Variants in SLC28A3 observed in about 807,000 individuals in gnomAD.
The protein encoded by SLC28A3 is solute carrier family 28 member 3, also known as concentrative Na(+)-nucleoside cotransporter 3.
Under a neutral mutation model 84.2 loss-of-function variants are expected in SLC28A3, and 68 were observed. The observed-to-expected ratio is 0.81, with a 90% CI of 0.66 to 0.99. The LOEUF is 0.99. Among genes scored for constraint, SLC28A3 ranks in the 50% least tolerant of loss-of-function variants. SLC28A3 has a pLI of 0.00. For missense variants in SLC28A3, 712 were observed against 841.5 expected (o/e 0.85, Z 1.90); for synonymous variants, 267 against 303.6 (o/e 0.88, Z 1.25).
At chr9:84,333,859 G>A (rs776887672) in intron 1 of SLC28A3, among the ~76,000 whole-genome samples, 1 of 152,190 alleles carries the variant, frequency 6.6e-6, no homozygotes, top group Non-Finnish European at 1.5e-5. Context: ...GTCCCTAGCT[G>A]CAATGTTTGT....
intron 10 of SLC28A3, among the ~76,000 whole-genome samples, chr9:84,292,168 T>G (rs532140744): frequency 2.0e-5 from 3 of 152,320 alleles, no homozygotes; most frequent in Admixed American, 2.0e-4. Context: ...GCTTTCTTGG[T>G]CTCCTCCATT....
At chr9:84,320,560 A>T (rs1393640919) in intron 1 of SLC28A3, among the ~76,000 whole-genome samples, 1 of 151,950 alleles carries the variant, frequency 6.6e-6, no homozygotes, top group Non-Finnish European at 1.5e-5. Context: ...TCAGCCTTTT[A>T]TGCTTAACTC....
intron 1 of SLC28A3, among the ~76,000 whole-genome samples, chr9:84,337,126 A>G (rs1355235345): frequency 6.6e-6 from 1 of 152,148 alleles, no homozygotes; most frequent in East Asian, 1.9e-4. Context: ...ACAAAATATA[A>G]AAAATAATAA....
In SLC28A3 at chr9:84,309,731, G is replaced by A; in HGVS notation, c.157-17C>T. ...TTCTTCATCCTGGAAATCAAACATT[G>A]GAGCAGAGATGGAATAATGAGCATC... On this transcript the variant is annotated splice_polypyrimidine_tract_variant and intron_variant, in intron 2 of 17. Coordinates refer to ENST00000376238, the MANE Select transcript of SLC28A3 (RefSeq NM_001199633.2). 1 of 1,610,116 alleles carries A rather than the reference G, an allele frequency of 6.2e-7. No homozygotes were observed. Among genetic ancestry groups the A allele is most frequent in the Non-Finnish European group, 8.5e-7 (1 of 1,177,198 alleles).
intron 8 of SLC28A3, among the ~76,000 whole-genome samples, chr9:84,296,984 T>C (rs1825437234): frequency 1.3e-5 from 2 of 152,224 alleles, no homozygotes; most frequent in Non-Finnish European, 2.9e-5. Flanking sequence ...AGTATTTGAA[T>C]AGTTCTGACT....
chr9:84,306,994 CAAAAAAA>C (rs150442323), intron 3 of SLC28A3, among the ~76,000 whole-genome samples: 1 of 25,940 alleles, frequency 3.9e-5, no homozygotes, highest in Non-Finnish European at 7.0e-5. Context: ...CTTGTCTCTA[CAAAAAAA>C]AAAAAAAAAA....
At chr9:84,341,794 C>G (rs372619298), upstream of SLC28A3, among the ~76,000 whole-genome samples, 11 of 151,286 alleles carry the variant, frequency 7.3e-5, no homozygotes, top group African/African-American at 2.2e-4. Flanking sequence ...TAGGGATTTT[C>G]CCCCCTAGTA....
intron 1 of SLC28A3, among the ~76,000 whole-genome samples, chr9:84,320,196 C>T (rs1826329693): frequency 6.6e-6 from 1 of 150,908 alleles, no homozygotes. Context: ...ACTACAGGCA[C>T]ACGCCACCAC....
At chr9:84,286,464 T>TTTA (rs1320069099) in intron 12 of SLC28A3, among the ~76,000 whole-genome samples, 1 of 149,964 alleles carries the variant, frequency 6.7e-6, no homozygotes, top group African/African-American at 2.5e-5. Context: ...TTTTTTTTTT[T>TTTA]TTTTAAGAGA....
intron 13 of SLC28A3, 149 bp downstream of exon 13, chr9:84,285,793 AG>A: frequency 2.1e-6 from 2 of 964,052 alleles, no homozygotes; most frequent in African/African-American, 1.7e-5. Flanking sequence ...GACAGAGAAA[AG>A]GTGGGTGGGA....
intron 9 of SLC28A3, 57 bp from the exon 10 acceptor site, chr9:84,292,805 A>T: frequency 8.1e-7 from 1 of 1,231,902 alleles, no homozygotes; most frequent in Non-Finnish European, 1.1e-6. Flanking sequence ...CCAAAACTTC[A>T]AAGTAGGGAT....
the SLC28A3 span, among the ~76,000 whole-genome samples, chr9:84,364,016 T>A: frequency 6.6e-6 from 1 of 152,122 alleles, no homozygotes; most frequent in Non-Finnish European, 1.5e-5. Context: ...GTACATGAGA[T>A]GTTTTGATAC....
chr9:84,292,886 G>C (rs1825294612), intron 9 of SLC28A3, 138 bp from the exon 10 acceptor site: 1 of 584,092 alleles, frequency 1.7e-6, no homozygotes, highest in Admixed American at 3.8e-5. Flanking sequence ...TGGAGCTAAA[G>C]GTAAGTTTAA....
At position 84,297,385 on chromosome 9, in the gene SLC28A3, C is replaced by T. The variant is rs577966563; in HGVS notation, c.784-87G>A. 1,085 of 1,046,030 alleles carry T rather than the reference C, an allele frequency of 1.0e-3. 12 individuals are homozygous for T. The South Asian group carries it at 0.011, about 11-fold the overall frequency. The allele number at this position is 1,046,030 out of a possible 1,614,324, so 64.8% of individuals were successfully genotyped here. On this transcript the variant is annotated intron_variant, in intron 7 of 17. Transcript: ENST00000376238. ...ACAGGAATGCTAGGCTCTCAGAGGA[C>T]GGACCCAGCAAATGTGTTGGATAGA...
intron 10 of SLC28A3, among the ~76,000 whole-genome samples, chr9:84,291,177 G>A (rs773439564): frequency 6.6e-6 from 1 of 152,136 alleles, no homozygotes; most frequent in Non-Finnish European, 1.5e-5. Flanking sequence ...CCCTGTGCGG[G>A]AGCCCTCTTA....
intron 8 of SLC28A3, among the ~76,000 whole-genome samples, chr9:84,294,477 G>A (rs1825345197): frequency 6.6e-6 from 1 of 152,138 alleles, no homozygotes; most frequent in Non-Finnish European, 1.5e-5. Flanking sequence ...TTTTTCCCCT[G>A]TCTTCTATGG....
chr9:84,278,878 GAAA>G (rs34802574), intron 17 of SLC28A3, among the ~76,000 whole-genome samples: 5 of 120,746 alleles, frequency 4.1e-5, no homozygotes, highest in Non-Finnish European at 1.8e-5. Flanking sequence ...TTTGTGGAAT[GAAA>G]AAAAAAAAAA....
At chr9:84,298,186 C>A (rs1825488985) in intron 6 of SLC28A3, among the ~76,000 whole-genome samples, 167 bp from the exon 7 acceptor site, 1 of 152,050 alleles carries the variant, frequency 6.6e-6, no homozygotes, top group African/African-American at 2.4e-5. Flanking sequence ...TTTGATAGAA[C>A]CATAACTTAA....
intron 1 of SLC28A3, among the ~76,000 whole-genome samples, chr9:84,333,329 G>A (rs545872772): frequency 5.1e-4 from 78 of 152,258 alleles, no homozygotes; most frequent in African/African-American, 1.6e-3. Context: ...TGGGGGAAGC[G>A]TGTAGCTTTT....
Sources: allele counts gnomAD v4.1 joint callset (sites outside exome capture counted in the v4.1 genomes callset), GRCh38; gene constraint gnomAD v4.1.1; transcripts MANE v1.5; gene names NCBI Gene and HGNC (gene_info 2026-07-23, HGNC 2026-07-21).